The following MCM9 variants were observed in gnomAD, a reference collection of about 807,000 sequenced individuals.
MCM9 encodes DNA helicase MCM9.
A neutral mutation model predicts 72.8 loss-of-function variants in MCM9; 55 were observed. That is an observed-to-expected ratio of 0.76 (90% confidence interval 0.61 to 0.95). MCM9 has a LOEUF of 0.95. MCM9 is among the 40% of genes least tolerant of loss of function. The probability of loss-of-function intolerance (pLI) is 0.00; values close to 1 mark genes in which losing one functional copy is unlikely to be tolerated. For missense variants in MCM9, 1,279 were observed against 1,377.0 expected (o/e 0.93, Z 1.13); for synonymous variants, 480 against 503.4 (o/e 0.95, Z 0.62).
chr6:118,846,775 A>G (rs1170370642), intron 9 of MCM9, among the ~76,000 whole-genome samples: 1 of 151,886 alleles, frequency 6.6e-6, no homozygotes, highest in Non-Finnish European at 1.5e-5. Context: ...ATTCCTCTGA[A>G]CTAAAAATTA....
chr6:118,843,668 A>ATGTGTATATATATATACG (rs1491470569), intron 9 of MCM9, among the ~76,000 whole-genome samples: 1 of 55,432 alleles, frequency 1.8e-5, no homozygotes, highest in African/African-American at 7.3e-5. Flanking sequence ...GTATATATAT[A>ATGTGTATATATATATACG]TGTATGTATA....
chr6:118,912,643 T>G (rs181060368), intron 7 of MCM9: 4 of 152,704 alleles, frequency 2.6e-5, no homozygotes, highest in Admixed American at 2.0e-4. Flanking sequence ...CAGCCTGATT[T>G]ATAACAATGC....
At chr6:118,887,033 T>C (rs1424321953) in intron 8 of MCM9, among the ~76,000 whole-genome samples, 4 of 152,274 alleles carry the variant, frequency 2.6e-5, no homozygotes, top group East Asian at 1.9e-4. Flanking sequence ...TGTTTACTGA[T>C]TGGAAGGCAG....
intron 6 of MCM9, 115 bp from the exon 7 acceptor site, chr6:118,913,535 T>TTA (rs1780710980): frequency 1.5e-6 from 2 of 1,304,380 alleles, no homozygotes; most frequent in Admixed American, 4.5e-5. Context: ...CTATGTGAAG[T>TTA]GATCAGGAGG....
intron 8 of MCM9, among the ~76,000 whole-genome samples, chr6:118,891,371 G>A (rs1243264908): frequency 1.3e-5 from 2 of 152,166 alleles, no homozygotes; most frequent in African/African-American, 2.4e-5. Flanking sequence ...ATATCTTATA[G>A]CTATATTAGG....
chr6:118,856,015 A>C (rs187601319), intron 9 of MCM9, among the ~76,000 whole-genome samples: 2 of 152,246 alleles, frequency 1.3e-5, no homozygotes, highest in East Asian at 3.9e-4. Context: ...TTCTTTTTGA[A>C]CTTTTCAAAA....
intron 3 of MCM9, among the ~76,000 whole-genome samples, chr6:118,927,591 G>C (rs1046932110): frequency 4.6e-5 from 7 of 150,938 alleles, no homozygotes; most frequent in African/African-American, 1.7e-4. Context: ...GGCAACAAGA[G>C]CAAAACTCTT....
intron 8 of MCM9, chr6:118,907,385 T>G (rs1317873475): frequency 9.8e-6 from 15 of 1,538,194 alleles, no homozygotes; most frequent in Non-Finnish European, 1.3e-5. Context: ...CATTTGTATG[T>G]TTCCTTTTTC....
At chr6:118,906,827 GA>G (rs1562432816) in intron 8 of MCM9, among the ~76,000 whole-genome samples, 1 of 152,122 alleles carries the variant, frequency 6.6e-6, no homozygotes, top group East Asian at 1.9e-4. Flanking sequence ...CATGACAATA[GA>G]ATAGAATGTT....
rs372501055 is a variant in MCM9 at position 118,911,724 on chromosome 6, G to T, written c.1076C>A (p.Ser359Tyr). The T allele has an allele frequency of 1.4e-5, 22 of 1,613,582 alleles. No individual in the cohort carries two copies. Among genetic ancestry groups the T allele is most frequent in the Non-Finnish European group, 1.9e-5 (22 of 1,179,850 alleles). Residue 359 changes from serine to tyrosine, a missense_variant, in exon 8 of 14, where the codon TCT becomes TAT. Coordinates refer to ENST00000619706, the MANE Select transcript of MCM9 (RefSeq NM_017696.3). ...LLVGDPGTGK[S>Y]QFLKYAAKIT... ...CTTTGCTGCATATTTGAGGAACTGA[G>T]ATTTCCCTGTGCCAGGATCCCCAAC...
rs780385432 is a variant in MCM9 at position 118,911,646 on chromosome 6, A to G, written c.1150+4T>C. 2.5e-6 allele frequency: 4 copies of G among 1,607,704 alleles called. No individual in the cohort carries two copies. The highest frequency in any genetic ancestry group is 1.3e-5 in the African/African-American group (1 of 74,756). ...AAATTACTTGAAATTGTCACATACAATACCTGCACTAGTAGATCCAATTCC... is the reference window on the plus strand; with the variant it reads ...AAATTACTTGAAATTGTCACATACAGTACCTGCACTAGTAGATCCAATTCC... On this transcript the variant is annotated splice_donor_region_variant and intron_variant, in intron 8 of 13. Transcript: ENST00000619706.
At chr6:118,846,043 T>C (rs1325075327) in intron 9 of MCM9, among the ~76,000 whole-genome samples, 1 of 151,816 alleles carries the variant, frequency 6.6e-6, no homozygotes, top group Non-Finnish European at 1.5e-5. Flanking sequence ...CAGAAATGAG[T>C]AATATACTAA....
rs192978306 is a variant in MCM9, at chr6:118,845,262, G to A, written c.1325+11109C>T. On this transcript the variant is annotated intron_variant, in intron 9 of 13. Transcript: ENST00000619706. ...TAGGTTTGAAGATGAATAAACTTCT[G>A]ATGCTGTGGTGGCGATGAGATAATA... 2.6e-4 allele frequency among the ~76,000 whole-genome samples: 40 copies of A among 152,022 alleles called. No homozygotes were observed. In the East Asian group the frequency reaches 7.7e-3, roughly 29 times the overall value.
intron 8 of MCM9, among the ~76,000 whole-genome samples, chr6:118,889,374 AG>A (rs1177720013): frequency 6.6e-6 from 1 of 152,238 alleles, no homozygotes; most frequent in Non-Finnish European, 1.5e-5. Context: ...TTGTCTCTAT[AG>A]TAACCAACTA....
intron 8 of MCM9, among the ~76,000 whole-genome samples, chr6:118,870,678 C>T (rs1390233130): frequency 1.3e-5 from 2 of 151,616 alleles, no homozygotes; most frequent in Admixed American, 6.6e-5. Flanking sequence ...AAAAGATAAA[C>T]AAAACTAAGG....
chr6:118,815,425 C>G lies in MCM9; in HGVS notation c.2831G>C (p.Gly944Ala). 1 of 1,550,550 alleles carries G rather than the reference C, an allele frequency of 6.4e-7. No homozygotes were observed. ...ACTATGAACTGCTATTTTAGTTGCA[C>G]CAGGTGACACATGGCTGTGATCTTC... ...SFEDHSHVSP[G>A]ATKIAVHSPK... The change falls in exon 14 of 14, where the codon GGT becomes GCT. Residue 944 changes from glycine to alanine, a missense_variant. By Grantham distance (60) the Gly-to-Ala change is moderately conservative. Transcript: ENST00000619706.
At chr6:118,900,050 C>G (rs1246695033) in intron 8 of MCM9, among the ~76,000 whole-genome samples, 1 of 152,148 alleles carries the variant, frequency 6.6e-6, no homozygotes, top group Non-Finnish European at 1.5e-5. Context: ...CATATAACGC[C>G]TTGAATTGCA....
intron 9 of MCM9, among the ~76,000 whole-genome samples, chr6:118,845,223 A>G (rs1004823074): frequency 6.6e-6 from 1 of 151,920 alleles, no homozygotes; most frequent in Non-Finnish European, 1.5e-5. Context: ...CCTGAGTCAT[A>G]ATAACGAAGA....
intron 6 of MCM9, among the ~76,000 whole-genome samples, chr6:118,914,851 C>G (rs1195899051): frequency 6.6e-6 from 1 of 152,094 alleles, no homozygotes; most frequent in East Asian, 1.9e-4. Context: ...GGATTCAAAT[C>G]CCAGTGCTAT....
Sources: allele counts gnomAD v4.1 joint callset (sites outside exome capture counted in the v4.1 genomes callset), GRCh38; gene constraint gnomAD v4.1.1; transcripts MANE v1.5; gene names NCBI Gene and HGNC (gene_info 2026-07-23, HGNC 2026-07-21).